Variants in EEF2 observed in about 807,000 individuals in gnomAD.
EEF2 encodes the protein elongation factor 2.
A neutral mutation model predicts 85.3 loss-of-function variants in EEF2; 21 were observed. That is an observed-to-expected ratio of 0.25 (90% CI 0.17 to 0.35). The LOEUF (loss-of-function observed/expected upper bound fraction) is 0.35. Ranked by LOEUF, EEF2 falls within the 10% of genes least tolerant of loss-of-function variation. EEF2 has a pLI of 1.00. For missense variants in EEF2, 825 were observed against 1,225.3 expected (o/e 0.67, Z 4.88); for synonymous variants, 723 against 508.8 (o/e 1.42, Z -5.67).
chr19:3,976,524 C>CGGGGCGGCA lies in EEF2; in HGVS notation c.*21_*29dup, dbSNP rs576967443. 1.6e-3 allele frequency: 2,557 copies of CGGGGCGGCA among 1,579,176 alleles called. 3 individuals carry two copies. The highest frequency in any genetic ancestry group is 1.8e-3 in the Non-Finnish European group (2,130 of 1,163,444). The stretch of plus-strand genomic sequence containing the variant: ...TGGTGCTGTGGGTGCTGCGAGTCCC[C>CGGGGCGGCA]GGGGCGGCAGGCGCTGCAGGAAGGG... On this transcript the variant is annotated 3_prime_UTR_variant, in exon 15 of 15. Coordinates refer to ENST00000309311, the MANE Select transcript of EEF2 (RefSeq NM_001961.4).
Position 3,976,401 on chromosome 19 carries a change from A to C in EEF2, c.*153T>G, listed in dbSNP as rs13953. 5 of 692,952 alleles carry C rather than the reference A, an allele frequency of 7.2e-6. No individual in the cohort carries two copies. Among genetic ancestry groups the C allele is most frequent in the Non-Finnish European group, 1.1e-5 (5 of 443,036 alleles). 42.9% of individuals were successfully genotyped at this position (692,952 alleles called of 1,614,324 possible). ...ATTGAAAGAAACGGCATCAAGTGTTATGGTTGAGTGATGGCACGCAGCGGG... is the reference window on the plus strand; with the variant it reads ...ATTGAAAGAAACGGCATCAAGTGTTCTGGTTGAGTGATGGCACGCAGCGGG... On this transcript the variant is annotated 3_prime_UTR_variant, in exon 15 of 15. Coordinates refer to ENST00000309311, the MANE Select transcript of EEF2 (RefSeq NM_001961.4).
chr19:3,978,671 G>A (rs1312018199), intron 11 of EEF2, among the ~76,000 whole-genome samples: 2 of 151,510 alleles, frequency 1.3e-5, no homozygotes, highest in South Asian at 2.1e-4. Context: ...CGGGCATGAT[G>A]GCAGGCGCCT....
chr19:3,982,518 G>C (rs753010166), intron 4 of EEF2, 94 bp from the exon 5 acceptor site: 3 of 1,490,182 alleles, frequency 2.0e-6, no homozygotes, highest in South Asian at 2.3e-5. Flanking sequence ...CTCAGACGCA[G>C]GCTTTCTTCA....
chr19:3,977,068 A>G lies in EEF2; in HGVS notation c.2383+147T>C. The stretch of plus-strand genomic sequence containing the variant: ...GGGAATTCAGTGATTTAGGGGGTCC[A>G]CAAGCTGTCAGAAACTGGACCACCT... On this transcript the variant is annotated intron_variant, in intron 14 of 14. Transcript: ENST00000309311. This position sits in a 1 kb window ranked among gnomAD's most constrained non-coding sequence, Gnocchi z 5.4. 2 of 1,240,018 alleles carry G rather than the reference A, an allele frequency of 1.6e-6. No individual in the cohort carries two copies. Among genetic ancestry groups the G allele is most frequent in the Non-Finnish European group, 2.2e-6 (2 of 911,310 alleles). The allele number at this position is 1,240,018 out of a possible 1,614,324, so 76.8% of individuals were successfully genotyped here. A position where few individuals can be genotyped will look rare whatever the true frequency, so the allele number is the denominator to read the frequency against.
At position 3,980,902 on chromosome 19, in the gene EEF2, C is replaced by T. The variant is rs145638690; in HGVS notation, c.1089G>A (p.Thr363=). Residue 363 remains threonine (T), a synonymous_variant, in exon 8 of 15, where the codon ACG becomes ACA. Coordinates refer to ENST00000309311, the MANE Select transcript of EEF2 (RefSeq NM_001961.4). ...MITIHLPSPV[T]AQKYRCELLY... ...GGAGCTCGCAGCGGTACTTCTGGGC[C>T]GTCACAGGGGAGGGCAGGTGGATGG... The T allele has an allele frequency of 8.3e-6, 13 of 1,565,764 alleles. No individual in the cohort carries two copies. In the East Asian group the frequency reaches 1.2e-4, roughly 14 times the overall value.
chr19:3,978,588 G>A lies in EEF2; in HGVS notation c.1714-416C>T, dbSNP rs531943477. 4.0e-5 allele frequency among the ~76,000 whole-genome samples: 6 copies of A among 151,668 alleles called. No individual in the cohort carries two copies. The South Asian group carries it at 1.0e-3, about 26-fold the overall frequency. On this transcript the variant is annotated intron_variant, in intron 11 of 14. Transcript: ENST00000309311. Reference sequence around the variant, plus strand: ...TGGGAGGCCGAGGCGGGTGGATCACGAGGTCAGGAGATCCAGACCATCCTG... The same window carrying A: ...TGGGAGGCCGAGGCGGGTGGATCACAAGGTCAGGAGATCCAGACCATCCTG...
rs768779185 is a variant in EEF2, at chr19:3,977,547, C to A, written c.2131G>T (p.Ala711Ser). 6.3e-7 allele frequency: 1 copy of A among 1,585,796 alleles called. No individual in the cohort carries two copies. Among genetic ancestry groups the A allele is most frequent in the East Asian group, 2.2e-5 (1 of 44,478 alleles). ...CCCCCTCCGCGGTGGATGGCGTCGG[C>A]GTGCAGGGTGACGTCGTGGACGTCG... ...RFDVHDVTLH[A>S]DAIHRGGGQI... The change falls in exon 13 of 15, where the codon GCC (alanine) becomes TCC (serine). Residue 711 changes from alanine (A) to serine (S), a missense_variant. By Grantham distance (99) the Ala-to-Ser change is moderately conservative (BLOSUM62 1). Transcript: ENST00000309311. The surrounding 1 kb of genome is among the most constrained non-coding windows in gnomAD (Gnocchi z 5.4).
Position 3,980,863 on chromosome 19 carries a change from G to C in EEF2, c.1128C>G (p.Pro376=). 6.4e-7 allele frequency: 1 copy of C among 1,563,872 alleles called. No homozygotes were observed. The highest frequency in any genetic ancestry group is 8.7e-7 in the Non-Finnish European group (1 of 1,155,728). The change falls in exon 8 of 15, where the codon CCC becomes CCG. Residue 376 remains proline (P), a synonymous_variant. Coordinates refer to ENST00000309311, the MANE Select transcript of EEF2 (RefSeq NM_001961.4). ...TACCCATGGCAGCCTCGTCGTCCGG[G>C]GGCCCCTCGTACAGGAGCTCGCAGC... is the stretch of plus-strand genomic sequence containing the variant. ...KYRCELLYEG[P]PDDEAAMGIK...
intron 7 of EEF2, 114 bp from the exon 8 acceptor site, chr19:3,981,093 A>C: frequency 6.9e-7 from 1 of 1,453,502 alleles, no homozygotes; most frequent in Non-Finnish European, 9.1e-7. Context: ...AACGTTCTCC[A>C]AAGCACAGTC....
At chr19:3,983,468 C>G (rs981155160) in intron 2 of EEF2, among the ~76,000 whole-genome samples, 177 bp from the exon 3 acceptor site, 3 of 152,074 alleles carry the variant, frequency 2.0e-5, no homozygotes, top group Non-Finnish European at 2.9e-5. Flanking sequence ...ACCCCCATGA[C>G]AGGGAACTCC....
At chr19:3,976,930 G>A (rs371814445) in intron 14 of EEF2, among the ~76,000 whole-genome samples, 183 bp from the exon 15 acceptor site, 1 of 152,366 alleles carries the variant, frequency 6.6e-6, no homozygotes, top group African/African-American at 2.4e-5. Flanking sequence ...GCCGCTGCTC[G>A]TTTGGGACAA....
At chr19:3,984,075 T>C in intron 2 of EEF2, 61 bp downstream of exon 2, 1 of 1,583,966 alleles carries the variant, frequency 6.3e-7, no homozygotes, top group Non-Finnish European at 8.6e-7. Flanking sequence ...CCTGGCCCAG[T>C]GGCCTCCAGC....
chr19:3,982,731 A>T, intron 4 of EEF2, 76 bp downstream of exon 4: 1 of 1,482,602 alleles, frequency 6.7e-7, no homozygotes, highest in Non-Finnish European at 9.2e-7. Context: ...AGTCCCCCTC[A>T]GCTCAACTCC....
intron 11 of EEF2, among the ~76,000 whole-genome samples, chr19:3,978,382 C>T (rs1050876077): frequency 4.6e-5 from 7 of 152,138 alleles, no homozygotes; most frequent in Non-Finnish European, 7.3e-5. Context: ...AGCTCTCCGG[C>T]GCAGAAACCA....
In EEF2 at chr19:3,982,285, T is replaced by C. The variant is rs371684656; in HGVS notation, c.752A>G (p.Lys251Arg). The C allele has an allele frequency of 2.5e-6, 4 of 1,614,064 alleles. No homozygotes were observed. In the African/African-American group the frequency reaches 5.3e-5, roughly 22 times the overall value. The change falls in exon 5 of 15, where the codon AAG becomes AGG. Residue 251 changes from lysine to arginine, a missense_variant. Physicochemically the swap from Lys to Arg is conservative, Grantham distance 26. Transcript: ENST00000309311. ...CTTCTTCATCATGTCCTCTACTTTC[T>C]TGGCCCGCTCGGCAGGCCCCAACTG... ...EGQLGPAERA[K>R]KVEDMMKKLW...
Position 3,977,208 on chromosome 19 carries a change from C to T in EEF2, c.2383+7G>A, listed in dbSNP as rs541085914. On this transcript the variant is annotated splice_region_variant and intron_variant, in intron 14 of 14. Transcript: ENST00000309311. This position sits in a 1 kb window ranked among gnomAD's most constrained non-coding sequence, Gnocchi z 5.4. ...GGCTCTGCAGGCCACACCGGGCAGG[C>T]ACTCACCAAAGGACTCGTTGACGGG... 10 of 1,612,602 alleles carry T rather than the reference C, an allele frequency of 6.2e-6. No individual in the cohort carries two copies. The South Asian group carries it at 8.8e-5, about 14-fold the overall frequency.
intron 7 of EEF2, 51 bp downstream of exon 7, chr19:3,981,288 G>C (rs781315738): frequency 3.3e-5 from 51 of 1,568,280 alleles, no homozygotes; most frequent in Non-Finnish European, 4.2e-5. Context: ...AGAGCATCCG[G>C]AAACAGCAGC....
chr19:3,978,327 A>C (rs970382539), intron 11 of EEF2, among the ~76,000 whole-genome samples, 155 bp from the exon 12 acceptor site: 1 of 152,176 alleles, frequency 6.6e-6, no homozygotes, highest in African/African-American at 2.4e-5. Flanking sequence ...TGCAGTGCCA[A>C]GCGCATCTCA....
intron 7 of EEF2, 58 bp from the exon 8 acceptor site, chr19:3,981,037 C>G (rs888337222): frequency 3.9e-6 from 6 of 1,527,392 alleles, no homozygotes; most frequent in Non-Finnish European, 5.3e-6. Flanking sequence ...GGCCCCACCC[C>G]GTACACGCTT....
Sources: gnomAD v4.1 joint callset for allele counts (sites outside exome capture counted in the v4.1 genomes callset) on GRCh38, gnomAD v4.1.1 for gene constraint, Gnocchi (gnomAD v3.1) non-coding constraint, MANE v1.5 for transcripts, NCBI Gene and HGNC (gene_info 2026-07-23, HGNC 2026-07-21) for gene names.